SETD5: variants seen among roughly 807,000 people sequenced by gnomAD.
SETD5 encodes SET domain containing 5.
In SETD5, 44 loss-of-function variants were observed where a neutral mutation model predicts 153.3. The observed-to-expected ratio is 0.29, with a 90% CI of 0.23 to 0.37. The LOEUF (loss-of-function observed/expected upper bound fraction) is 0.37. Ranked by LOEUF, SETD5 falls within the 10% of genes least tolerant of loss-of-function variation. SETD5 has a pLI of 1.00. For synonymous variants in SETD5, 716 were observed against 645.2 expected, an observed-to-expected ratio of 1.11 and a Z score of -1.66; for missense variants, 1,544 against 1,768.0, an observed-to-expected ratio of 0.87 and a Z score of 2.27.
At chr3:9,442,333 A>G in intron 10 of SETD5, 88 bp downstream of exon 10, 1 of 926,214 alleles carries the variant, frequency 1.1e-6, no homozygotes, top group Non-Finnish European at 1.7e-6. Context: ...CACTCAGATA[A>G]AGGTCTGTAG....
chr3:9,433,924 C>G lies in SETD5; in HGVS notation c.151C>G (p.His51Asp). The change falls in exon 4 of 23, where the codon CAT becomes GAT. Residue 51 changes from histidine to aspartate, a missense_variant. Transcript: ENST00000402198. Reference protein sequence around the residue: ...STHNYGTTQRHGCRGLPYATI... With the variant: ...STHNYGTTQRDGCRGLPYATI... ...TCATAATTATGGGACCACTCAGAGG[C>G]ATGGGTGTCGAGGACTGCCTTATGC... 3 of 1,613,958 alleles carry G rather than the reference C, an allele frequency of 1.9e-6. No individual in the cohort carries two copies. Among genetic ancestry groups the G allele is most frequent in the Non-Finnish European group, 2.5e-6 (3 of 1,179,854 alleles).
chr3:9,467,329 T>TA (rs2044727109), intron 18 of SETD5, among the ~76,000 whole-genome samples: 1 of 150,110 alleles, frequency 6.7e-6, no homozygotes, highest in African/African-American at 2.5e-5. Context: ...GGTAAGAAGA[T>TA]AAACAGTGGA....
At chr3:9,416,223 AT>A (rs2037431921) in intron 1 of SETD5, among the ~76,000 whole-genome samples, 1 of 152,142 alleles carries the variant, frequency 6.6e-6, no homozygotes, top group Non-Finnish European at 1.5e-5. Flanking sequence ...ACTCTAAGAG[AT>A]TGCTCACTAA....
At chr3:9,467,674 A>G (rs1011982256) in intron 18 of SETD5, among the ~76,000 whole-genome samples, 1 of 152,000 alleles carries the variant, frequency 6.6e-6, no homozygotes, top group Non-Finnish European at 1.5e-5. Context: ...CCCCTGAGTC[A>G]TTGTCACACT....
intron 19 of SETD5, 64 bp downstream of exon 19, chr3:9,470,993 T>C (rs1303994981): frequency 1.2e-6 from 1 of 826,216 alleles, no homozygotes; most frequent in Non-Finnish European, 1.9e-6. Flanking sequence ...TTAGTAGATA[T>C]TCATAAGTTT....
chr3:9,435,243 CAAAAAAA>C (rs5846637), intron 6 of SETD5, among the ~76,000 whole-genome samples: 132 of 80,176 alleles, frequency 1.6e-3, no homozygotes, highest in Middle Eastern at 8.1e-3. Context: ...AACTCCCTCT[CAAAAAAA>C]AAAAAAAAAA....
At chr3:9,436,676 TG>T (rs1448366820) in intron 7 of SETD5, among the ~76,000 whole-genome samples, 1 of 152,238 alleles carries the variant, frequency 6.6e-6, no homozygotes, top group African/African-American at 2.4e-5. Context: ...TCATTGGCCT[TG>T]AGCTACCCCT....
At position 9,470,765 on chromosome 3, in the gene SETD5, C is replaced by G. The variant is rs2045210652; in HGVS notation, c.3031C>G (p.Pro1011Ala). The change falls in exon 19 of 23, where the codon CCT becomes GCT. Residue 1011 changes from proline (P) to alanine (A), a missense_variant. Physicochemically the swap from Pro to Ala is conservative, Grantham distance 27 (BLOSUM62 -1). Around this residue, in one of 9 missense-constraint regions of SETD5, gnomAD observed 782 missense variants for 787.2 expected, o/e 0.99. Transcript: ENST00000402198. ...ATCTCCTCTAGTGGGGGATAGGAAGCCTTTACATTTGGATGGGGGATATTG... is the reference window on the plus strand; with the variant it reads ...ATCTCCTCTAGTGGGGGATAGGAAGGCTTTACATTTGGATGGGGGATATTG... The part of the protein sequence containing the change: ...RGSPLVGDRK[P>A]LHLDGGYCSP... 1 of 1,613,806 alleles carries G rather than the reference C, an allele frequency of 6.2e-7. No individual in the cohort carries two copies. Among genetic ancestry groups the G allele is most frequent in the African/African-American group, 1.3e-5 (1 of 74,900 alleles).
chr3:9,463,787 A>G lies in SETD5; in HGVS notation c.2477-638A>G, dbSNP rs74569697. ...CCTTTAGTTGGTGATATAGCAGTTT[A>G]GTAGAGGGTAACTGTAACACAGTAA... On this transcript the variant is annotated intron_variant, in intron 17 of 22. Coordinates refer to ENST00000402198, the MANE Select transcript of SETD5 (RefSeq NM_001080517.3). Among the ~76,000 whole-genome samples the G allele has an allele frequency of 3.8e-3, 584 of 152,348 alleles. 11 individuals are homozygous for G. The highest frequency in any genetic ancestry group is 0.028 in the Admixed American group (424 of 15,298).
chr3:9,437,927 C>G (rs1427920054), intron 7 of SETD5, among the ~76,000 whole-genome samples: 1 of 151,510 alleles, frequency 6.6e-6, no homozygotes, highest in Non-Finnish European at 1.5e-5. Context: ...CGCTTGAACC[C>G]AGGAGGCAGT....
intron 3 of SETD5, chr3:9,429,753 C>A: frequency 9.8e-7 from 1 of 1,018,376 alleles, no homozygotes; most frequent in Non-Finnish European, 1.3e-6. Flanking sequence ...TTAAGTTGTC[C>A]GAGATTCCCC....
intron 1 of SETD5, among the ~76,000 whole-genome samples, chr3:9,403,258 T>TA (rs1002627804): frequency 4.0e-5 from 6 of 151,842 alleles, no homozygotes; most frequent in African/African-American, 9.7e-5. Flanking sequence ...CAAGGAAAAA[T>TA]AAAAAAATAA....
chr3:9,475,947 G>A lies in SETD5; in HGVS notation c.4185G>A (p.Gly1395=). Reference sequence around the variant, plus strand: ...GGACTATCAGTCTGCCCAGTGCTGGGCAGTCAGCTGTCTACCAGGCCTCCA... The same window carrying A: ...GGACTATCAGTCTGCCCAGTGCTGGACAGTCAGCTGTCTACCAGGCCTCCA... ...DLRTISLPSA[G]QSAVYQASRV... Residue 1395 remains glycine, a synonymous_variant, in exon 23 of 23, where the codon GGG becomes GGA. Coordinates refer to ENST00000402198, the MANE Select transcript of SETD5 (RefSeq NM_001080517.3). The A allele has an allele frequency of 6.2e-7, 1 of 1,613,982 alleles. No homozygotes were observed. The highest frequency in any genetic ancestry group is 8.5e-7 in the Non-Finnish European group (1 of 1,179,880).
At chr3:9,458,103 G>T (rs962616511) in intron 17 of SETD5, among the ~76,000 whole-genome samples, 1 of 152,040 alleles carries the variant, frequency 6.6e-6, no homozygotes, top group African/African-American at 2.4e-5. Flanking sequence ...AATTGTCATG[G>T]AATTTTTAGT....
At position 9,473,711 on chromosome 3, in the gene SETD5, C is replaced by G. The variant is rs574588022; in HGVS notation, c.3497+174C>G. Among the ~76,000 whole-genome samples the G allele has an allele frequency of 2.0e-5, 3 of 152,272 alleles. No homozygotes were observed. The East Asian group carries it at 5.8e-4, about 29-fold the overall frequency. ...CTGATTTAATAATGTCAGCTGCAAC[C>G]CCCCAGCTTTGCAGAATTAAGAATT... On this transcript the variant is annotated intron_variant, in intron 20 of 22. Transcript: ENST00000402198.
At chr3:9,423,804 G>A (rs910499279) in intron 1 of SETD5, among the ~76,000 whole-genome samples, 4 of 152,102 alleles carry the variant, frequency 2.6e-5, no homozygotes, top group African/African-American at 4.8e-5. Context: ...TCTGGCTAGC[G>A]TTAAATTTGA....
chr3:9,454,918 T>G (rs952781629), intron 17 of SETD5, among the ~76,000 whole-genome samples: 13 of 152,008 alleles, frequency 8.6e-5, no homozygotes, highest in Non-Finnish European at 1.9e-4. Flanking sequence ...CAAAGTAAAT[T>G]AGATGCTAAA....
intron 17 of SETD5, among the ~76,000 whole-genome samples, chr3:9,463,943 C>T (rs1029032781): frequency 2.0e-5 from 3 of 152,280 alleles, no homozygotes; most frequent in South Asian, 4.1e-4. Flanking sequence ...GCCTGGCAAA[C>T]GTGGTGAAAT....
chr3:9,410,966 G>A (rs1005340134), intron 1 of SETD5, among the ~76,000 whole-genome samples: 1 of 151,058 alleles, frequency 6.6e-6, no homozygotes, highest in Admixed American at 6.6e-5. Flanking sequence ...TCAGCTCACT[G>A]CAACCTAGGC....
Sources: gnomAD v4.1 joint callset for allele counts (sites outside exome capture counted in the v4.1 genomes callset) on GRCh38, gnomAD v4.1.1 for gene constraint, gnomAD v4.1.1 regional missense constraint, MANE v1.5 for transcripts, NCBI Gene and HGNC (gene_info 2026-07-23, HGNC 2026-07-21) for gene names.